ARHGAP42: variants seen among roughly 807,000 people sequenced by gnomAD.
ARHGAP42 encodes rho GTPase-activating protein 42.
ARHGAP42 carries 63 observed loss-of-function variants against 125.0 expected under a neutral mutation model. The ratio of observed to expected loss-of-function variants is 0.50; its 90% confidence interval spans 0.41 to 0.62. The LOEUF (loss-of-function observed/expected upper bound fraction) is 0.62, where lower values mean the gene tolerates loss of function less well. ARHGAP42 is among the 20% of genes least tolerant of loss of function. The pLI, the probability that ARHGAP42 is intolerant of heterozygous loss-of-function variation, is 0.00. For synonymous variants in ARHGAP42, 339 were observed against 351.0 expected (o/e 0.97, Z 0.38); for missense variants, 766 against 1,024.2 (o/e 0.75, Z 3.44).
chr11:100,837,019 T>C (rs1049757461), intron 3 of ARHGAP42, among the ~76,000 whole-genome samples: 2 of 152,148 alleles, frequency 1.3e-5, no homozygotes, highest in Non-Finnish European at 2.9e-5. Context: ...TGTAAATTTC[T>C]CATATTTTCA....
intron 6 of ARHGAP42, among the ~76,000 whole-genome samples, chr11:100,923,160 T>C (rs1191157786): frequency 6.6e-6 from 1 of 152,172 alleles, no homozygotes. Context: ...CCTGTTCACC[T>C]TCCCATTGAC....
chr11:100,979,073 G>A, intron 22 of ARHGAP42, 24 bp downstream of exon 22: 2 of 1,549,772 alleles, frequency 1.3e-6, no homozygotes, highest in East Asian at 2.4e-5. Flanking sequence ...ACCCTTAAAT[G>A]CATCTAAAAA....
chr11:100,947,949 C>A lies in ARHGAP42; in HGVS notation c.1044-508C>A, dbSNP rs139717137. Among the ~76,000 whole-genome samples the A allele has an allele frequency of 2.0e-3, 301 of 152,026 alleles. 1 individual carries two copies. The highest frequency in any genetic ancestry group is 6.8e-3 in the African/African-American group (282 of 41,526). On this transcript the variant is annotated intron_variant, in intron 10 of 23. Transcript: ENST00000298815. Reference sequence around the variant, plus strand: ...GGAGAGAATTATTTTTAAATGAATTCATTTCAATATTGTCATCATGGTACA... The same window carrying A: ...GGAGAGAATTATTTTTAAATGAATTAATTTCAATATTGTCATCATGGTACA...
chr11:100,975,407 G>A (rs1287457251), intron 19 of ARHGAP42, among the ~76,000 whole-genome samples: 1 of 152,082 alleles, frequency 6.6e-6, no homozygotes, highest in African/African-American at 2.4e-5. Flanking sequence ...ATATGTGAAT[G>A]CATTATTATG....
chr11:100,880,490 A>T (rs1182293343), intron 4 of ARHGAP42, among the ~76,000 whole-genome samples: 1 of 151,978 alleles, frequency 6.6e-6, no homozygotes, highest in Non-Finnish European at 1.5e-5. Flanking sequence ...TTCTTTATCT[A>T]CTCACTGATT....
chr11:100,808,475 G>A (rs1362726115), intron 3 of ARHGAP42, among the ~76,000 whole-genome samples: 1 of 140,960 alleles, frequency 7.1e-6, no homozygotes, highest in Non-Finnish European at 1.5e-5. Flanking sequence ...GCGCAATCTC[G>A]GCTCACTGCA....
intron 3 of ARHGAP42, among the ~76,000 whole-genome samples, 185 bp downstream of exon 3, chr11:100,795,351 A>AT (rs1179049039): frequency 2.0e-5 from 3 of 152,170 alleles, no homozygotes; most frequent in South Asian, 2.1e-4. Context: ...AAGATATACC[A>AT]TTTTTTTCTA....
intron 1 of ARHGAP42, among the ~76,000 whole-genome samples, chr11:100,760,112 T>C (rs912789895): frequency 1.3e-5 from 2 of 152,206 alleles, no homozygotes; most frequent in Non-Finnish European, 2.9e-5. Flanking sequence ...GACCAGATCT[T>C]GGTATCTTAA....
chr11:100,937,195 C>T (rs2135266478), intron 8 of ARHGAP42, among the ~76,000 whole-genome samples: 1 of 152,318 alleles, frequency 6.6e-6, no homozygotes, highest in Admixed American at 6.5e-5. Flanking sequence ...GGAACACTGG[C>T]TCAAGAGATC....
intron 1 of ARHGAP42, among the ~76,000 whole-genome samples, chr11:100,720,902 G>A (rs1247138017): frequency 6.6e-6 from 1 of 151,450 alleles, no homozygotes; most frequent in Non-Finnish European, 1.5e-5. Flanking sequence ...AGAATAATAT[G>A]GTGAACTTCC....
chr11:100,769,872 T>A (rs890258462), intron 1 of ARHGAP42, among the ~76,000 whole-genome samples: 8 of 151,912 alleles, frequency 5.3e-5, no homozygotes, highest in Non-Finnish European at 8.8e-5. Context: ...AATAGCTCAA[T>A]GCATGCTGAG....
chr11:100,818,610 T>C (rs1226382516), intron 3 of ARHGAP42, among the ~76,000 whole-genome samples: 1 of 152,022 alleles, frequency 6.6e-6, no homozygotes, highest in Non-Finnish European at 1.5e-5. Context: ...TGACTGTTCC[T>C]GGAGTGAATA....
intron 1 of ARHGAP42, among the ~76,000 whole-genome samples, chr11:100,750,810 G>A (rs1395748035): frequency 6.6e-6 from 1 of 152,112 alleles, no homozygotes; most frequent in Non-Finnish European, 1.5e-5. Flanking sequence ...AGAAGGCAAA[G>A]TACTGAACAT....
At chr11:100,863,439 A>G (rs1261210074) in intron 4 of ARHGAP42, among the ~76,000 whole-genome samples, 1 of 152,176 alleles carries the variant, frequency 6.6e-6, no homozygotes, top group African/African-American at 2.4e-5. Flanking sequence ...CCTAACAACC[A>G]GATGATACTA....
At chr11:100,966,511 T>G (rs1457875819) in intron 17 of ARHGAP42, among the ~76,000 whole-genome samples, 9 of 152,010 alleles carry the variant, frequency 5.9e-5, no homozygotes, top group African/African-American at 2.2e-4. Flanking sequence ...GGGAACTCAG[T>G]TTTTTTTCTT....
intron 1 of ARHGAP42, 118 bp downstream of exon 1, chr11:100,687,950 A>G (rs77786711): frequency 0.066 from 77,795 of 1,172,416 alleles, 3,079 homozygotes; most frequent in East Asian, 0.17. Context: ...TTTGGGGACA[A>G]AAGCTGAAGA....
At chr11:100,726,186 C>G (rs1430658013) in intron 1 of ARHGAP42, among the ~76,000 whole-genome samples, 3 of 151,966 alleles carry the variant, frequency 2.0e-5, no homozygotes, top group African/African-American at 7.3e-5. Flanking sequence ...GTGATGTACT[C>G]TGGACAAAAG....
chr11:100,896,512 A>C (rs2135200435), intron 4 of ARHGAP42, among the ~76,000 whole-genome samples: 1 of 152,266 alleles, frequency 6.6e-6, no homozygotes, highest in South Asian at 2.1e-4. Flanking sequence ...TTGTTTCCTG[A>C]CTTTAAATGA....
chr11:100,743,400 T>G (rs887918680), intron 1 of ARHGAP42, among the ~76,000 whole-genome samples: 7 of 152,226 alleles, frequency 4.6e-5, no homozygotes, highest in African/African-American at 1.7e-4. Context: ...GACCCCAATC[T>G]TCTGGTTTTT....
Sources: allele counts gnomAD v4.1 joint callset (sites outside exome capture counted in the v4.1 genomes callset), GRCh38; gene constraint gnomAD v4.1.1; transcripts MANE v1.5; gene names NCBI Gene and HGNC (gene_info 2026-07-23, HGNC 2026-07-21).